MGST1: variants seen among roughly 807,000 people sequenced by gnomAD.
The protein encoded by MGST1 is microsomal glutathione S-transferase 1.
MGST1 carries 5 observed loss-of-function variants against 8.9 expected under a neutral mutation model. The observed-to-expected ratio is 0.56, with a 90% CI of 0.29 to 1.19. The LOEUF (loss-of-function observed/expected upper bound fraction) is 1.19, where lower values mean the gene tolerates loss of function less well. MGST1 is among the 50% of genes most tolerant of loss of function. The pLI, the probability that MGST1 is intolerant of heterozygous loss-of-function variation, is 0.08. For missense variants in MGST1, 182 were observed against 187.4 expected, an observed-to-expected ratio of 0.97 and a Z score of 0.17; for synonymous variants, 54 against 67.8, an observed-to-expected ratio of 0.80 and a Z score of 1.00.
intron 1 of MGST1, among the ~76,000 whole-genome samples, chr12:16,421,274 A>T (rs1940833091): frequency 6.6e-6 from 1 of 152,140 alleles, no homozygotes; most frequent in Non-Finnish European, 1.5e-5. Context: ...CATTACCTCT[A>T]AAAATATGGT....
At chr12:16,349,775 C>T (rs1357943938) in intron 1 of MGST1, among the ~76,000 whole-genome samples, 2 of 140,568 alleles carry the variant, frequency 1.4e-5, no homozygotes, top group Admixed American at 1.5e-4. Context: ...GACGGGGTCT[C>T]GCACTGTCAC....
downstream of MGST1, among the ~76,000 whole-genome samples, chr12:16,380,318 T>C (rs567693180): frequency 6.6e-6 from 1 of 152,224 alleles, no homozygotes; most frequent in African/African-American, 2.4e-5. Context: ...TTTGAATGTG[T>C]GCCAGAGATT....
chr12:16,364,237 T>C lies in MGST1; in HGVS notation c.*196T>C. 1 of 1,270,606 alleles carries C rather than the reference T, an allele frequency of 7.9e-7. No individual in the cohort carries two copies. Among genetic ancestry groups the C allele is most frequent in the Non-Finnish European group, 9.9e-7 (1 of 1,007,026 alleles). 78.7% of individuals were successfully genotyped at this position (1,270,606 alleles called of 1,614,324 possible). A position where few individuals can be genotyped will look rare whatever the true frequency, so the allele number is the denominator to read the frequency against. ...TTGGATTAGAAATTTAACATAGTAA[T>C]TCTTAAGTCTTTTGTCTGATTTTTA... On this transcript the variant is annotated 3_prime_UTR_variant, in exon 4 of 4. Coordinates refer to ENST00000396210, the MANE Select transcript of MGST1 (RefSeq NM_020300.5). The surrounding 1 kb of genome is among the most constrained non-coding windows in gnomAD (Gnocchi z 5.7).
At chr12:16,409,160 C>A (rs1189413893) in intron 1 of MGST1, among the ~76,000 whole-genome samples, 1 of 151,894 alleles carries the variant, frequency 6.6e-6, no homozygotes, top group East Asian at 1.9e-4. Context: ...TTTATGATAC[C>A]TAGTTTCCTT....
At chr12:16,418,055 C>T (rs1179523227) in intron 1 of MGST1, among the ~76,000 whole-genome samples, 2 of 152,058 alleles carry the variant, frequency 1.3e-5, no homozygotes, top group Non-Finnish European at 1.5e-5. Context: ...TGGTGGCTGA[C>T]TGCACATACA....
intron 4 of MGST1, among the ~76,000 whole-genome samples, chr12:16,494,203 C>T (rs920056299): frequency 1.3e-5 from 2 of 152,132 alleles, no homozygotes; most frequent in Non-Finnish European, 2.9e-5. Flanking sequence ...ACAAAAACCA[C>T]TGTCCTTCAC....
intron 4 of MGST1, among the ~76,000 whole-genome samples, chr12:16,534,831 A>G (rs1193872045): frequency 6.6e-6 from 1 of 152,176 alleles, no homozygotes; most frequent in Non-Finnish European, 1.5e-5. Context: ...ATGCATTTGT[A>G]CCATCCAGCA....
downstream of MGST1, among the ~76,000 whole-genome samples, chr12:16,368,779 A>G (rs1940237587): frequency 6.6e-6 from 1 of 152,174 alleles, no homozygotes; most frequent in Non-Finnish European, 1.5e-5. Flanking sequence ...ACAGCCCTGC[A>G]TAAAATGTGA....
chr12:16,447,271 A>G lies in MGST1; in HGVS notation n.482+63667A>G, dbSNP rs542836137. On this transcript the variant is annotated intron_variant and non_coding_transcript_variant, in intron 4 of 4. Coordinates refer to the MGST1 transcript ENST00000538857. ...CTCTTAAAACCAGTCATTTATCCAA[A>G]TATGCTGGCTAATCATTGAAGCTCT... Among the ~76,000 whole-genome samples the G allele has an allele frequency of 3.3e-5, 5 of 151,968 alleles. No individual in the cohort carries two copies. The South Asian group carries it at 1.0e-3, about 32-fold the overall frequency.
At chr12:16,510,927 A>T (rs1013776852) in intron 4 of MGST1, among the ~76,000 whole-genome samples, 1 of 152,148 alleles carries the variant, frequency 6.6e-6, no homozygotes, top group African/African-American at 2.4e-5. Flanking sequence ...TGTAATGGAG[A>T]ATGCTGACAT....
chr12:16,405,323 T>C (rs1403114228), intron 1 of MGST1, among the ~76,000 whole-genome samples: 1 of 151,476 alleles, frequency 6.6e-6, no homozygotes, highest in East Asian at 1.9e-4. Context: ...CTAGAAGAAA[T>C]AGATAAATTC....
intron 4 of MGST1, among the ~76,000 whole-genome samples, chr12:16,519,060 G>T (rs1304184757): frequency 6.6e-6 from 1 of 152,188 alleles, no homozygotes; most frequent in Non-Finnish European, 1.5e-5. Context: ...ATAGTGGAAA[G>T]AGCTCAGGCT....
intron 1 of MGST1, among the ~76,000 whole-genome samples, chr12:16,393,977 G>A (rs1201875303): frequency 5.9e-5 from 9 of 152,166 alleles, no homozygotes; most frequent in East Asian, 1.9e-4. Context: ...ATGCTGGCAC[G>A]AACATTCAGG....
At chr12:16,580,779 C>T (rs1943135787) in intron 4 of MGST1, among the ~76,000 whole-genome samples, 1 of 152,126 alleles carries the variant, frequency 6.6e-6, no homozygotes, top group Non-Finnish European at 1.5e-5. Context: ...TTTGTTACTG[C>T]ATTTTTGCTA....
intron 4 of MGST1, among the ~76,000 whole-genome samples, chr12:16,583,932 A>C (rs1943242110): frequency 6.6e-6 from 1 of 152,208 alleles, no homozygotes; most frequent in Non-Finnish European, 1.5e-5. Context: ...TCTGAAATCA[A>C]AGATCAGTGC....
intron 4 of MGST1, among the ~76,000 whole-genome samples, chr12:16,533,293 C>T (rs1282945651): frequency 6.6e-6 from 1 of 152,026 alleles, no homozygotes; most frequent in Non-Finnish European, 1.5e-5. Flanking sequence ...CTGTACACAC[C>T]TCATAGTAGC....
intron 4 of MGST1, among the ~76,000 whole-genome samples, chr12:16,526,762 C>T (rs1055492553): frequency 6.6e-6 from 1 of 151,850 alleles, no homozygotes; most frequent in African/African-American, 2.4e-5. Context: ...TTTAAAGAGG[C>T]TGTGAAAAGT....
At chr12:16,442,379 G>A (rs1941045974), downstream of MGST1, among the ~76,000 whole-genome samples, 1 of 151,736 alleles carries the variant, frequency 6.6e-6, no homozygotes, top group Non-Finnish European at 1.5e-5. This position sits in a 1 kb window ranked among gnomAD's most constrained non-coding sequence, Gnocchi z 4.5. Flanking sequence ...TATCTAAAAT[G>A]TCATCACGAT....
chr12:16,552,660 A>C (rs774688117), intron 4 of MGST1, among the ~76,000 whole-genome samples: 1 of 152,190 alleles, frequency 6.6e-6, no homozygotes, highest in African/African-American at 2.4e-5. Context: ...TGTGGAATTT[A>C]CTTTTTTTCC....
Sources: gnomAD v4.1 joint callset for allele counts (sites outside exome capture counted in the v4.1 genomes callset) on GRCh38, gnomAD v4.1.1 for gene constraint, Gnocchi (gnomAD v3.1) non-coding constraint, MANE v1.5 for transcripts, NCBI Gene and HGNC (gene_info 2026-07-23, HGNC 2026-07-21) for gene names.